The following DNAJC13 variants were observed in gnomAD, a reference collection of about 807,000 sequenced individuals.
DNAJC13 encodes dnaJ homolog subfamily C member 13.
In DNAJC13, 75 loss-of-function variants were observed where a neutral mutation model predicts 290.5. That is an observed-to-expected ratio of 0.26 (90% CI 0.21 to 0.31). DNAJC13 has a LOEUF of 0.31. DNAJC13 is among the 10% of genes least tolerant of loss of function. DNAJC13 has a pLI of 1.00. For missense variants in DNAJC13, 2,260 were observed against 2,674.5 expected (o/e 0.85, Z 3.42); for synonymous variants, 862 against 892.0 (o/e 0.97, Z 0.60).
Position 132,488,502 on chromosome 3 carries a change from T to C in DNAJC13, c.3422+50T>C, listed in dbSNP as rs746459073. On this transcript the variant is annotated intron_variant, in intron 30 of 55. Transcript: ENST00000260818. The stretch of plus-strand genomic sequence containing the variant: ...TTAAAAGTATTATTTGAATTTTATA[T>C]GGACTGATTTAATTGAATTATTTGT... The C allele has an allele frequency of 2.7e-6, 4 of 1,493,590 alleles. No individual in the cohort carries two copies. In the East Asian group the frequency reaches 9.1e-5, roughly 34 times the overall value. 92.5% of individuals were successfully genotyped at this position (1,493,590 alleles called of 1,614,324 possible).
intron 2 of DNAJC13, among the ~76,000 whole-genome samples, chr3:132,445,054 CAA>C (rs1277379766): frequency 4.6e-5 from 7 of 151,852 alleles, no homozygotes; most frequent in Non-Finnish European, 1.0e-4. Flanking sequence ...AAAAAATAGA[CAA>C]GAGAAAAATG....
At chr3:132,470,711 A>G (rs1489731363) in intron 20 of DNAJC13, among the ~76,000 whole-genome samples, 8 of 94,414 alleles carry the variant, frequency 8.5e-5, no homozygotes, top group Admixed American at 9.4e-5. Flanking sequence ...GGCCGGGCAG[A>G]GGGGCTCCTC....
intron 55 of DNAJC13, among the ~76,000 whole-genome samples, chr3:132,531,538 C>T (rs142008774): frequency 6.6e-6 from 1 of 152,198 alleles, no homozygotes; most frequent in Admixed American, 6.5e-5. Flanking sequence ...TGGCTCACGC[C>T]TATAATCCCA....
chr3:132,461,029 G>T, intron 14 of DNAJC13, 21 bp from the exon 15 acceptor site: 3 of 1,610,556 alleles, frequency 1.9e-6, no homozygotes, highest in Non-Finnish European at 2.5e-6. Flanking sequence ...GTCTTTAAGA[G>T]AATCTGTTGC....
chr3:132,477,956 G>A, intron 23 of DNAJC13, 25 bp from the exon 24 acceptor site: 1 of 1,599,976 alleles, frequency 6.3e-7, no homozygotes, highest in Non-Finnish European at 8.5e-7. Context: ...TATTTCTATT[G>A]TGAACTTTTT....
chr3:132,501,796 C>T (rs566410637), intron 39 of DNAJC13, among the ~76,000 whole-genome samples: 1 of 152,062 alleles, frequency 6.6e-6, no homozygotes, highest in East Asian at 1.9e-4. Flanking sequence ...AAAACAGGAT[C>T]GAGATGCTGA....
At chr3:132,495,652 G>A (rs909347942) in intron 35 of DNAJC13, among the ~76,000 whole-genome samples, 2 of 151,994 alleles carry the variant, frequency 1.3e-5, no homozygotes, top group Admixed American at 6.6e-5. Context: ...TTTCATAAAC[G>A]ATGAAATCAC....
chr3:132,503,069 C>T (rs1302118781), intron 40 of DNAJC13, 145 bp from the exon 41 acceptor site: 12 of 761,394 alleles, frequency 1.6e-5, no homozygotes, highest in Non-Finnish European at 2.4e-5. Context: ...TGATGTTTAC[C>T]TCAGTGGTAG....
intron 32 of DNAJC13, 73 bp from the exon 33 acceptor site, chr3:132,492,341 A>G (rs1459859500): frequency 1.4e-6 from 2 of 1,428,662 alleles, no homozygotes; most frequent in Non-Finnish European, 2.0e-6. Flanking sequence ...ACTATCTTAC[A>G]TGATTATGTA....
intron 8 of DNAJC13, 62 bp from the exon 9 acceptor site, chr3:132,454,004 A>G: frequency 8.0e-7 from 1 of 1,245,626 alleles, no homozygotes; most frequent in South Asian, 1.4e-5. Flanking sequence ...TGCATTTTAT[A>G]ATGAAATACT....
chr3:132,499,089 G>C, intron 36 of DNAJC13, 37 bp from the exon 37 acceptor site: 1 of 1,492,084 alleles, frequency 6.7e-7, no homozygotes, highest in Non-Finnish European at 9.0e-7. Flanking sequence ...AATCAATTTT[G>C]TTTTGTTTTT....
rs778767402 is a variant in DNAJC13 at position 132,467,199 on chromosome 3, A to G, written c.2094A>G (p.Pro698=). The G allele has an allele frequency of 3.1e-6, 5 of 1,613,570 alleles. No homozygotes were observed. In the East Asian group the frequency reaches 1.1e-4, roughly 36 times the overall value. ...MDQYGKFNKV[P]EWQRLAGKAA... ...AGTATGGAAAATTTAATAAAGTTCCAGAGTGGCAAAGACTAGCTGGAAAAG... is the reference window on the plus strand; with the variant it reads ...AGTATGGAAAATTTAATAAAGTTCCGGAGTGGCAAAGACTAGCTGGAAAAG... The change falls in exon 20 of 56, where the codon CCA becomes CCG. Residue 698 remains proline (P), a synonymous_variant. Coordinates refer to ENST00000260818, the MANE Select transcript of DNAJC13 (RefSeq NM_015268.4).
Position 132,483,514 on chromosome 3 carries a change from A to G in DNAJC13, c.3119A>G (p.Glu1040Gly), listed in dbSNP as rs748220914. Reference protein sequence around the residue: ...LLASGQAVLNETDLATLILNM... With the variant: ...LLASGQAVLNGTDLATLILNM... ...GCCAGTGGACAGGCTGTCCTGAATG[A>G]AACTGACCTTGCTACCCTTATATTG... The change falls in exon 28 of 56, where the codon GAA becomes GGA. Residue 1040 changes from glutamate to glycine, a missense_variant. Physicochemically the swap from Glu to Gly is moderately conservative, Grantham distance 98. Transcript: ENST00000260818. The G allele has an allele frequency of 6.2e-7, 1 of 1,614,164 alleles. No individual in the cohort carries two copies. Among genetic ancestry groups the G allele is most frequent in the Non-Finnish European group, 8.5e-7 (1 of 1,180,012 alleles).
In DNAJC13 at chr3:132,507,216, AT is replaced by A; in HGVS notation, c.4999-15del. On this transcript the variant is annotated intron_variant, in intron 42 of 55. Coordinates refer to ENST00000260818, the MANE Select transcript of DNAJC13 (RefSeq NM_015268.4). ...TGGATAGATTTACATCTAACAGTCT[AT>A]TTTTTCATCTTTTAAAAAGGGTGAT... The A allele has an allele frequency of 6.8e-7, 1 of 1,466,144 alleles. No homozygotes were observed. Among genetic ancestry groups the A allele is most frequent in the South Asian group, 1.2e-5 (1 of 86,736 alleles). The allele number at this position is 1,466,144 out of a possible 1,614,324, so 90.8% of individuals were successfully genotyped here.
intron 42 of DNAJC13, 110 bp downstream of exon 42, chr3:132,505,525 T>A: frequency 2.8e-6 from 2 of 704,850 alleles, no homozygotes; most frequent in Non-Finnish European, 2.4e-6. Flanking sequence ...TTAGTGTCAG[T>A]CAGTATGGCT....
intron 2 of DNAJC13, among the ~76,000 whole-genome samples, chr3:132,436,588 T>G (rs1234597489): frequency 6.6e-6 from 1 of 152,236 alleles, no homozygotes; most frequent in Non-Finnish European, 1.5e-5. Flanking sequence ...TGTTTAACTT[T>G]TTGATGAACA....
In DNAJC13 at chr3:132,484,568, C is replaced by T. The variant is rs762590357; in HGVS notation, c.3183-20C>T. The T allele has an allele frequency of 8.7e-6, 14 of 1,603,908 alleles. No individual in the cohort carries two copies. In the Admixed American group the frequency reaches 1.3e-4, roughly 15 times the overall value. ...TTTTAACAAATATATTAAATGTTGACGTGAGAAAATGTTTTCTAGGGATCA... is the reference window on the plus strand; with the variant it reads ...TTTTAACAAATATATTAAATGTTGATGTGAGAAAATGTTTTCTAGGGATCA... On this transcript the variant is annotated intron_variant, in intron 28 of 55. Transcript: ENST00000260818.
intron 53 of DNAJC13, among the ~76,000 whole-genome samples, chr3:132,527,739 T>C (rs1936302854): frequency 1.3e-5 from 2 of 152,190 alleles, no homozygotes; most frequent in African/African-American, 2.4e-5. Context: ...TTATTCAGCT[T>C]TTATTAGGCT....
intron 20 of DNAJC13, 21 bp from the exon 21 acceptor site, chr3:132,473,124 T>G: frequency 6.4e-7 from 1 of 1,568,386 alleles, no homozygotes; most frequent in Non-Finnish European, 8.7e-7. Context: ...TTGAGCACTA[T>G]GAAGTTTTTT....
Sources: gnomAD v4.1 joint callset for allele counts (sites outside exome capture counted in the v4.1 genomes callset) on GRCh38, gnomAD v4.1.1 for gene constraint, MANE v1.5 for transcripts, NCBI Gene and HGNC (gene_info 2026-07-23, HGNC 2026-07-21) for gene names.